NFATC2: variants seen among roughly 807,000 people sequenced by gnomAD.
The protein encoded by NFATC2 is nuclear factor of activated T-cells, cytoplasmic 2.
NFATC2 carries 22 observed loss-of-function variants against 87.3 expected under a neutral mutation model. That is an observed-to-expected ratio of 0.25 (90% confidence interval 0.18 to 0.36). NFATC2 has a LOEUF of 0.36. NFATC2 is among the 10% of genes least tolerant of loss of function. The pLI is 1.00. For synonymous variants in NFATC2, 565 were observed against 542.2 expected (o/e 1.04, Z -0.58); for missense variants, 1,149 against 1,259.1 (o/e 0.91, Z 1.32).
At chr20:51,419,208 T>C (rs2426309) in intron 9 of NFATC2, among the ~76,000 whole-genome samples, 142,113 of 152,228 alleles carry the variant, frequency 0.93, 66,451 homozygotes, top group African/African-American at 0.99. Context: ...TATGATCATA[T>C]CTATCCTGCA....
chr20:51,448,548 G>A (rs1160489153), intron 6 of NFATC2, among the ~76,000 whole-genome samples: 1 of 152,226 alleles, frequency 6.6e-6, no homozygotes, highest in Non-Finnish European at 1.5e-5. Flanking sequence ...GGAGGCTGGG[G>A]CAGGAGAATG....
chr20:51,448,423 C>T (rs537703292), intron 6 of NFATC2, among the ~76,000 whole-genome samples: 2 of 152,280 alleles, frequency 1.3e-5, no homozygotes, highest in East Asian at 1.9e-4. Flanking sequence ...AGGCAGATTA[C>T]GAGGTCAGGA....
At chr20:51,513,996 A>G (rs6067801) in intron 3 of NFATC2, among the ~76,000 whole-genome samples, 69,432 of 152,178 alleles carry the variant, frequency 0.46, 16,044 homozygotes, top group South Asian at 0.5. Context: ...TTTAATAGCC[A>G]TAACCTTGAA....
At chr20:51,464,104 C>T (rs923153039) in intron 5 of NFATC2, among the ~76,000 whole-genome samples, 6 of 152,358 alleles carry the variant, frequency 3.9e-5, no homozygotes, top group Non-Finnish European at 7.3e-5. Context: ...TCTCCTCTCA[C>T]ACCGGCCTAC....
chr20:51,457,544 C>T (rs1376985352), intron 5 of NFATC2, among the ~76,000 whole-genome samples: 2 of 152,184 alleles, frequency 1.3e-5, no homozygotes, highest in Non-Finnish European at 2.9e-5. Context: ...CAGATTCAAC[C>T]TTTGCCAAGT....
At chr20:51,538,741 G>A (rs1347924290) in intron 1 of NFATC2, among the ~76,000 whole-genome samples, 1 of 152,212 alleles carries the variant, frequency 6.6e-6, no homozygotes, top group African/African-American at 2.4e-5. Flanking sequence ...ATCACATGCT[G>A]TGTTGATTTA....
intron 5 of NFATC2, among the ~76,000 whole-genome samples, chr20:51,472,680 G>C (rs1988340615): frequency 7.4e-6 from 1 of 135,536 alleles, no homozygotes; most frequent in South Asian, 2.3e-4. Flanking sequence ...CTGTTGCCCA[G>C]GCTGGAGGGC....
intron 9 of NFATC2, among the ~76,000 whole-genome samples, chr20:51,415,218 C>G (rs1479991843): frequency 6.8e-6 from 1 of 147,126 alleles, no homozygotes; most frequent in Non-Finnish European, 1.5e-5. Flanking sequence ...GGCACTCCAG[C>G]CTGAGTGACA....
chr20:51,412,997 C>G (rs1387498968), intron 9 of NFATC2, among the ~76,000 whole-genome samples: 2 of 5,128 alleles, frequency 3.9e-4, no homozygotes, highest in Non-Finnish European at 7.7e-4. Flanking sequence ...GCTCCCGCCG[C>G]CCCCCCCCCT....
rs958814097 is a variant in NFATC2, at chr20:51,524,442, A to G, written c.131-332T>C. 1.2e-4 allele frequency among the ~76,000 whole-genome samples: 18 copies of G among 152,088 alleles called. No homozygotes were observed. The highest frequency in any genetic ancestry group is 4.1e-4 in the African/African-American group (17 of 41,400). ...CACCATATACACCCACAACTGAAAC[A>G]AAAGCCTCTCGAGTCAATACTTACC... is the stretch of plus-strand genomic sequence containing the variant. On this transcript the variant is annotated intron_variant, in intron 1 of 10. Transcript: ENST00000371564. The surrounding 1 kb of genome is among the most constrained non-coding windows in gnomAD (Gnocchi z 4.0).
chr20:51,436,408 TTA>T (rs1491280400), intron 6 of NFATC2, among the ~76,000 whole-genome samples: 10 of 150,754 alleles, frequency 6.6e-5, no homozygotes, highest in African/African-American at 1.7e-4. Flanking sequence ...TTTTTTTTTT[TTA>T]AAAAGGCATT....
intron 5 of NFATC2, among the ~76,000 whole-genome samples, chr20:51,466,933 A>G (rs940771857): frequency 2.0e-5 from 3 of 151,930 alleles, no homozygotes; most frequent in African/African-American, 7.3e-5. Context: ...TTAGCTGGGC[A>G]TGGTGGCAGT....
At chr20:51,411,054 C>G (rs1979150834) in intron 9 of NFATC2, among the ~76,000 whole-genome samples, 1 of 152,086 alleles carries the variant, frequency 6.6e-6, no homozygotes, top group Non-Finnish European at 1.5e-5. Context: ...TTACTCTGTG[C>G]CAGGCCTTGT....
intron 6 of NFATC2, among the ~76,000 whole-genome samples, chr20:51,450,774 G>A (rs1691623151): frequency 6.6e-6 from 1 of 152,140 alleles, no homozygotes. Flanking sequence ...TGCAGACAGT[G>A]GCCAATAATA....
At chr20:51,415,541 G>T (rs2146285398) in intron 9 of NFATC2, among the ~76,000 whole-genome samples, 1 of 152,274 alleles carries the variant, frequency 6.6e-6, no homozygotes. Flanking sequence ...CAAGCTTCAT[G>T]CCAGAGAACA....
At position 51,432,861 on chromosome 20, in the gene NFATC2, C is replaced by T. The variant is rs754579317; in HGVS notation, c.2033-105G>A. ...GAGAACATGGCCTTGGGAGTCCATA[C>T]GGGTGGGACAAACAGCTGGTCCCTG... On this transcript the variant is annotated intron_variant, in intron 8 of 10. Coordinates refer to ENST00000371564, the MANE Select transcript of NFATC2 (RefSeq NM_012340.5). The surrounding 1 kb of genome is among the most constrained non-coding windows in gnomAD (Gnocchi z 4.6). 33 of 987,954 alleles carry T rather than the reference C, an allele frequency of 3.3e-5. No homozygotes were observed. The highest frequency in any genetic ancestry group is 1.8e-4 in the East Asian group (6 of 32,452). The allele number at this position is 987,954 out of a possible 1,614,324, so 61.2% of individuals were successfully genotyped here. A position where few individuals can be genotyped will look rare whatever the true frequency, so the allele number is the denominator to read the frequency against.
chr20:51,467,030 C>G (rs903039826), intron 5 of NFATC2, among the ~76,000 whole-genome samples: 2 of 148,732 alleles, frequency 1.3e-5, no homozygotes, highest in African/African-American at 2.5e-5. Flanking sequence ...CAAGACTGCG[C>G]CATTGCACTC....
chr20:51,398,689 ATAATATGTTTTG>A lies in NFATC2; in HGVS notation c.2752_2763del (p.Gln918_Leu921del), dbSNP rs1405027018. On this transcript the variant is annotated inframe_deletion, in exon 10 of 11. Transcript: ENST00000371564. ...TCAAAGATCACAGTCATTCTGTTTCATAATATGTTTTGTATCCAGCTAAGGTGTGTGTCTATC... is the reference window on the plus strand; with the variant it reads ...TCAAAGATCACAGTCATTCTGTTTCATATCCAGCTAAGGTGTGTGTCTATC... 1.2e-6 allele frequency: 2 copies of A among 1,613,458 alleles called. No homozygotes were observed. The highest frequency in any genetic ancestry group is 2.2e-5 in the South Asian group (2 of 90,988).
In NFATC2 at chr20:51,542,457, C is replaced by A. The variant is rs756633125; in HGVS notation, c.43G>T (p.Ala15Ser). The A allele has an allele frequency of 3.8e-6, 6 of 1,570,398 alleles. No individual in the cohort carries two copies. Among genetic ancestry groups the A allele is most frequent in the Non-Finnish European group, 5.2e-6 (6 of 1,162,538 alleles). ...ERQPQPDGGD[A>S]PGHEPGGSPQ... Reference sequence around the variant, plus strand: ...CTGCCCCCAGGCTCGTGGCCTGGGGCGTCCCCGCCGTCGGGTTGGGGCTGC... The same window carrying A: ...CTGCCCCCAGGCTCGTGGCCTGGGGAGTCCCCGCCGTCGGGTTGGGGCTGC... The change falls in exon 1 of 11, where the codon GCC becomes TCC. Residue 15 changes from alanine to serine, a missense_variant. Around this residue, in one of 3 missense-constraint regions of NFATC2, gnomAD observed 563 missense variants for 585.2 expected, o/e 0.96. Coordinates refer to ENST00000371564, the MANE Select transcript of NFATC2 (RefSeq NM_012340.5).
Sources: allele counts gnomAD v4.1 joint callset (sites outside exome capture counted in the v4.1 genomes callset), GRCh38; gene constraint gnomAD v4.1.1; regional missense constraint gnomAD v4.1.1; non-coding constraint Gnocchi (gnomAD v3.1); transcripts MANE v1.5; gene names NCBI Gene and HGNC (gene_info 2026-07-23, HGNC 2026-07-21).